The following TMEM184A variants were observed in gnomAD, a reference collection of about 807,000 sequenced individuals.
The protein encoded by TMEM184A is transmembrane protein 184A.
In TMEM184A, 40 loss-of-function variants were observed where a neutral mutation model predicts 39.5. The ratio of observed to expected loss-of-function variants is 1.01; its 90% CI spans 0.79 to 1.32. TMEM184A has a LOEUF of 1.32. TMEM184A is among the 40% of genes most tolerant of loss of function. TMEM184A has a pLI of 0.00. For synonymous variants in TMEM184A, 280 were observed against 252.3 expected (o/e 1.11, Z -1.04); for missense variants, 603 against 568.8 (o/e 1.06, Z -0.61).
At chr7:1,556,018 A>G (rs1778550104) in intron 1 of TMEM184A, 96 bp downstream of exon 1, 1 of 185,870 alleles carries the variant, frequency 5.4e-6, no homozygotes. Flanking sequence ...TCTCCCACTA[A>G]CCTGCTGGGG....
Position 1,548,666 on chromosome 7 carries a change from CAT to C in TMEM184A, c.665_666del (p.Tyr222CysfsTer201), listed in dbSNP as rs759248693. The C allele has an allele frequency of 1.2e-5, 19 of 1,613,786 alleles. No individual in the cohort carries two copies. Among genetic ancestry groups the C allele is most frequent in the Non-Finnish European group, 1.6e-5 (19 of 1,179,970 alleles). On this transcript the variant is annotated frameshift_variant, in exon 7 of 9. Coordinates refer to ENST00000297477, the MANE Select transcript of TMEM184A (RefSeq NM_001097620.2). LOFTEE classifies it high-confidence loss of function. ...GDFNVRSGYLYVTLIYNASVS... is the reference protein window; with the variant it reads ...GDFNVRSGYLXVTLIYNASVS... ...ACGGAGGCGTTGTAGATGAGGGTCA[CAT>C]AGAGGTAGCCGCTGCGGACACTAGG...
chr7:1,550,907 T>C lies in TMEM184A; in HGVS notation c.295A>G (p.Ile99Val). The change falls in exon 3 of 9, where the codon ATC becomes GTC. Residue 99 changes from isoleucine to valine, a missense_variant. Ile to Val is a conservative substitution (Grantham distance 29). Transcript: ENST00000297477. ...YIIRLLLIVP[I>V]YAFDSWLSLL... ...CTGAGCCAGGAGTCGAAGGCGTAGA[T>C]GGGCACGATGAGGAGCAGGCGGATG... is the stretch of plus-strand genomic sequence containing the variant. 1 of 1,613,804 alleles carries C rather than the reference T, an allele frequency of 6.2e-7. No individual in the cohort carries two copies. The highest frequency in any genetic ancestry group is 8.5e-7 in the Non-Finnish European group (1 of 1,179,956).
chr7:1,550,831 C>T lies in TMEM184A; in HGVS notation c.371G>A (p.Arg124Gln), dbSNP rs774291344. ...CTGGCGCCCACCTTCGTAGCAGTCC[C>T]GCACAGAGTCGAAGTAGACGTAGTA... ...HQYYVYFDSVRDCYEAFVIYS... is the reference protein window; with the variant it reads ...HQYYVYFDSVQDCYEAFVIYS... The change falls in exon 3 of 9, where the codon CGG (arginine) becomes CAG (glutamine). Residue 124 changes from arginine to glutamine, a missense_variant. By Grantham distance (43) the Arg-to-Gln change is conservative (BLOSUM62 1). Coordinates refer to ENST00000297477, the MANE Select transcript of TMEM184A (RefSeq NM_001097620.2). The T allele has an allele frequency of 3.3e-5, 54 of 1,613,042 alleles. No individual in the cohort carries two copies. Among genetic ancestry groups the T allele is most frequent in the East Asian group, 8.9e-5 (4 of 44,880 alleles).
intron 8 of TMEM184A, 35 bp downstream of exon 8, chr7:1,547,707 C>A: frequency 9.5e-6 from 15 of 1,581,064 alleles, no homozygotes; most frequent in Admixed American, 1.7e-5. Flanking sequence ...CAGGGCTGTG[C>A]GCTCCGGGTG....
rs563157176 is a variant in TMEM184A, at chr7:1,554,638, T to C, written c.219+628A>G. 3.3e-5 allele frequency among the ~76,000 whole-genome samples: 5 copies of C among 152,340 alleles called. No individual in the cohort carries two copies. In the East Asian group the frequency reaches 9.6e-4, roughly 29 times the overall value. On this transcript the variant is annotated intron_variant, in intron 2 of 8. Transcript: ENST00000297477. ...CTGCCCTCGGGCACCACTTCCTCCT[T>C]GCCCCTGCCTGGCCCTTCCTTGCCA...
At position 1,548,611 on chromosome 7, in the gene TMEM184A, A is replaced by G. The variant is rs1784443611; in HGVS notation, c.722T>C (p.Phe241Ser). The G allele has an allele frequency of 6.2e-7, 1 of 1,613,958 alleles. No homozygotes were observed. The highest frequency in any genetic ancestry group is 8.5e-7 in the Non-Finnish European group (1 of 1,179,996). ...CAGGAGCTCCCTGGTGGTGAAGTAG[A>G]AGAGGAACAGGGCGTAGAGGGCGAG... The part of the protein sequence containing the change: ...VSLALYALFL[F>S]YFTTRELLRP... Residue 241 changes from phenylalanine (F) to serine (S), a missense_variant, in exon 7 of 9, where the codon TTC (phenylalanine) becomes TCC (serine). Transcript: ENST00000297477.
Position 1,555,598 on chromosome 7 carries a change from C to T in TMEM184A, c.1-114G>A. On this transcript the variant is annotated intron_variant, in intron 1 of 8. Coordinates refer to ENST00000297477, the MANE Select transcript of TMEM184A (RefSeq NM_001097620.2). This position sits in a 1 kb window ranked among gnomAD's most constrained non-coding sequence, Gnocchi z 5.2. ...CAGTGAGACGGGAGCTGAGGCTGAGCCACCCACCAGGCCGCACCCCCCACA... is the reference window on the plus strand; with the variant it reads ...CAGTGAGACGGGAGCTGAGGCTGAGTCACCCACCAGGCCGCACCCCCCACA... 3.7e-6 allele frequency: 3 copies of T among 800,440 alleles called. No homozygotes were observed. The highest frequency in any genetic ancestry group is 6.3e-6 in the Non-Finnish European group (3 of 476,804). The allele number at this position is 800,440 out of a possible 1,614,324, so 49.6% of individuals were successfully genotyped here.
At chr7:1,547,628 T>C in intron 8 of TMEM184A, 114 bp downstream of exon 8, 2 of 1,175,504 alleles carry the variant, frequency 1.7e-6, no homozygotes, top group Non-Finnish European at 2.4e-6. Flanking sequence ...CCTTTGCCCG[T>C]CTCCCTGCCC....
Position 1,544,180 on chromosome 7 carries a change from G to T in TMEM184A, c.*2772C>A, listed in dbSNP as rs1330197949. The T allele has an allele frequency of 6.6e-6, 1 of 152,162 alleles. No homozygotes were observed. Among genetic ancestry groups the T allele is most frequent in the African/African-American group, 2.4e-5 (1 of 41,426 alleles). 9.4% of individuals were successfully genotyped at this position (152,162 alleles called of 1,614,324 possible). A position where few individuals can be genotyped will look rare whatever the true frequency, so the allele number is the denominator to read the frequency against. On this transcript the variant is annotated 3_prime_UTR_variant, in exon 9 of 9. Coordinates refer to ENST00000297477, the MANE Select transcript of TMEM184A (RefSeq NM_001097620.2). Reference sequence around the variant, plus strand: ...CTCTGGGCCCAGCCTGCTCCTCCTGGGGGAGCCGACGGGTGTGAGTTGGGG... The same window carrying T: ...CTCTGGGCCCAGCCTGCTCCTCCTGTGGGAGCCGACGGGTGTGAGTTGGGG...
In TMEM184A at chr7:1,555,659, C is replaced by A; in HGVS notation, c.1-175G>T. ...CGCCAGGCCCGGCTCCCTCCCTGCT[C>A]CGAGCTCAGCCATCGAAGCTCACCC... On this transcript the variant is annotated intron_variant, in intron 1 of 8. Transcript: ENST00000297477. This position sits in a 1 kb window ranked among gnomAD's most constrained non-coding sequence, Gnocchi z 5.2. The A allele has an allele frequency of 1.5e-6, 1 of 652,514 alleles. No homozygotes were observed. Among genetic ancestry groups the A allele is most frequent in the Admixed American group, 2.7e-5 (1 of 37,322 alleles). 40.4% of individuals were successfully genotyped at this position (652,514 alleles called of 1,614,324 possible). A position where few individuals can be genotyped will look rare whatever the true frequency, so the allele number is the denominator to read the frequency against.
In TMEM184A at chr7:1,546,977, A is replaced by G; in HGVS notation, c.1217T>C (p.Met406Thr). 7 of 1,593,214 alleles carry G rather than the reference A, an allele frequency of 4.4e-6. No homozygotes were observed. The highest frequency in any genetic ancestry group is 6.0e-6 in the Non-Finnish European group (7 of 1,175,480). ...CTACAGGTCCTCCGAGGGGATCAGCATCCGCTTCTCCAGGCTCCGGCTCTT... is the reference window on the plus strand; with the variant it reads ...CTACAGGTCCTCCGAGGGGATCAGCGTCCGCTTCTCCAGGCTCCGGCTCTT... ...SRKSRSLEKR[M>T]LIPSEDL The change falls in exon 9 of 9, where the codon ATG (methionine) becomes ACG (threonine). Residue 406 changes from methionine (M) to threonine (T), a missense_variant. Coordinates refer to ENST00000297477, the MANE Select transcript of TMEM184A (RefSeq NM_001097620.2).
At chr7:1,548,751 AGCCACCGCCGCT>A (rs761723639) in intron 6 of TMEM184A, 63 bp from the exon 7 acceptor site, 97 of 1,573,636 alleles carry the variant, frequency 6.2e-5, no homozygotes, top group Non-Finnish European at 7.9e-5. Context: ...CCCACCCTAG[AGCCACCGCCGCT>A]GCACCCTCAG....
rs139046411 is a variant in TMEM184A at position 1,555,603 on chromosome 7, C to T, written c.1-119G>A. The T allele has an allele frequency of 3.9e-4, 294 of 745,220 alleles. 1 individual carries two copies. Among genetic ancestry groups the T allele is most frequent in the Non-Finnish European group, 5.8e-4 (250 of 429,844 alleles). 46.2% of individuals were successfully genotyped at this position (745,220 alleles called of 1,614,324 possible). ...AGACGGGAGCTGAGGCTGAGCCACCCACCAGGCCGCACCCCCCACACGGAC... is the reference window on the plus strand; with the variant it reads ...AGACGGGAGCTGAGGCTGAGCCACCTACCAGGCCGCACCCCCCACACGGAC... On this transcript the variant is annotated intron_variant, in intron 1 of 8. Coordinates refer to ENST00000297477, the MANE Select transcript of TMEM184A (RefSeq NM_001097620.2). This position sits in a 1 kb window ranked among gnomAD's most constrained non-coding sequence, Gnocchi z 5.2.
chr7:1,547,600 C>T, intron 8 of TMEM184A, 142 bp downstream of exon 8: 1 of 867,380 alleles, frequency 1.2e-6, no homozygotes, highest in South Asian at 1.6e-5. Flanking sequence ...GCCCAGGTGC[C>T]TGTCCGGAGC....
chr7:1,547,167 T>C lies in TMEM184A; in HGVS notation c.1027A>G (p.Met343Val). 6.2e-7 allele frequency: 1 copy of C among 1,602,676 alleles called. No homozygotes were observed. Among genetic ancestry groups the C allele is most frequent in the Non-Finnish European group, 8.5e-7 (1 of 1,177,568 alleles). ...CTGATGCCGCTGGAGATGCTCTGCA[T>C]GGGTGCCGGGGGGGCTGGGGGAGGG... is the stretch of plus-strand genomic sequence containing the variant. ...KENSPAPPAP[M>V]QSISSGIRET... Residue 343 changes from methionine (M) to valine (V), a missense_variant, in exon 9 of 9, where the codon ATG (methionine) becomes GTG (valine). Met to Val is a conservative substitution (Grantham distance 21). Coordinates refer to ENST00000297477, the MANE Select transcript of TMEM184A (RefSeq NM_001097620.2).
At chr7:1,551,026 C>T in intron 2 of TMEM184A, 44 bp from the exon 3 acceptor site, 1 of 1,573,674 alleles carries the variant, frequency 6.4e-7, no homozygotes, top group Non-Finnish European at 8.6e-7. Flanking sequence ...CCGCCTGGTA[C>T]CCCTGGACCA....
Position 1,548,877 on chromosome 7 carries a change from G to A in TMEM184A, c.645-189C>T. 6.6e-6 allele frequency: 5 copies of A among 759,276 alleles called. No individual in the cohort carries two copies. In the South Asian group the frequency reaches 7.5e-5, roughly 11 times the overall value. 47.0% of individuals were successfully genotyped at this position (759,276 alleles called of 1,614,324 possible). A position where few individuals can be genotyped will look rare whatever the true frequency, so the allele number is the denominator to read the frequency against. Reference sequence around the variant, plus strand: ...AGGAGAGCGTGGGGAGCTGGGGGTGGCTGGGGGGCCTATGCAGGGGTAGGG... The same window carrying A: ...AGGAGAGCGTGGGGAGCTGGGGGTGACTGGGGGGCCTATGCAGGGGTAGGG... On this transcript the variant is annotated intron_variant, in intron 6 of 8. Transcript: ENST00000297477.
rs747746532 is a variant in TMEM184A, at chr7:1,555,405, G to A, written c.80C>T (p.Pro27Leu). ...CATCTGCGGCCCAGCTGGCACAGCC[G>A]GTGGGGGGCTGGGCTGCGGCCAGTT... Reference protein sequence around the residue: ...SANWPQPSPPPAVPAGPQMDH... With the variant: ...SANWPQPSPPLAVPAGPQMDH... The change falls in exon 2 of 9, where the codon CCG (proline) becomes CTG (leucine). Residue 27 changes from proline (P) to leucine (L), a missense_variant. Physicochemically the swap from Pro to Leu is moderately conservative, Grantham distance 98. Coordinates refer to ENST00000297477, the MANE Select transcript of TMEM184A (RefSeq NM_001097620.2). This position sits in a 1 kb window ranked among gnomAD's most constrained non-coding sequence, Gnocchi z 5.2. The A allele has an allele frequency of 2.4e-5, 38 of 1,611,750 alleles. No individual in the cohort carries two copies. In the African/African-American group the frequency reaches 2.9e-4, roughly 12 times the overall value.
Position 1,555,387 on chromosome 7 carries a change from G to A in TMEM184A, c.98C>T (p.Pro33Leu), listed in dbSNP as rs1438114540. Residue 33 changes from proline (P) to leucine (L), a missense_variant, in exon 2 of 9, where the codon CCG (proline) becomes CTG (leucine). Pro to Leu is a moderately conservative substitution (Grantham distance 98). Transcript: ENST00000297477. This position sits in a 1 kb window ranked among gnomAD's most constrained non-coding sequence, Gnocchi z 5.2. Reference sequence around the variant, plus strand: ...GCTGTTCCCCATGTGGTCCATCTGCGGCCCAGCTGGCACAGCCGGTGGGGG... The same window carrying A: ...GCTGTTCCCCATGTGGTCCATCTGCAGCCCAGCTGGCACAGCCGGTGGGGG... ...PSPPPAVPAGPQMDHMGNSSQ... is the reference protein window; with the variant it reads ...PSPPPAVPAGLQMDHMGNSSQ... The A allele has an allele frequency of 4.3e-6, 7 of 1,611,766 alleles. No individual in the cohort carries two copies. The Admixed American group carries it at 8.3e-5, about 19-fold the overall frequency.
Sources: allele counts gnomAD v4.1 joint callset (sites outside exome capture counted in the v4.1 genomes callset), GRCh38; gene constraint gnomAD v4.1.1; non-coding constraint Gnocchi (gnomAD v3.1); transcripts MANE v1.5; gene names NCBI Gene and HGNC (gene_info 2026-07-23, HGNC 2026-07-21).